Variants in GRPEL2 observed in about 807,000 individuals in gnomAD.
GRPEL2 encodes the protein GrpE like 2, mitochondrial.
A neutral mutation model predicts 25.9 loss-of-function variants in GRPEL2; 18 were observed. The observed-to-expected ratio is 0.70, with a 90% CI of 0.48 to 1.03. The LOEUF (loss-of-function observed/expected upper bound fraction) is 1.03. Among genes scored for constraint, GRPEL2 ranks in the 50% least tolerant of loss-of-function variants. The pLI is 0.00. For missense variants in GRPEL2, 247 were observed against 276.2 expected, an observed-to-expected ratio of 0.89 and a Z score of 0.75; for synonymous variants, 106 against 107.9, an observed-to-expected ratio of 0.98 and a Z score of 0.11.
chr5:149,350,982 C>T lies in GRPEL2; in HGVS notation c.378C>T (p.Cys126=). 2 of 1,614,126 alleles carry T rather than the reference C, an allele frequency of 1.2e-6. No individual in the cohort carries two copies. Among genetic ancestry groups the T allele is most frequent in the Non-Finnish European group, 1.7e-6 (2 of 1,179,950 alleles). ...ACATTTTGGAGAAGACTACAGAGTG[C>T]ATTTCTGAAGAATCGGAGCCTGAGG... is the stretch of plus-strand genomic sequence containing the variant. ...VADILEKTTE[C]ISEESEPEDQ... Residue 126 remains cysteine (C), a synonymous_variant, in exon 4 of 4, where the codon TGC becomes TGT. Transcript: ENST00000329271.
Position 149,353,580 on chromosome 5 carries a change from T to G in GRPEL2, c.*2298T>G, listed in dbSNP as rs1325567862. 6.6e-6 allele frequency: 1 copy of G among 151,742 alleles called. No individual in the cohort carries two copies. The highest frequency in any genetic ancestry group is 1.5e-5 in the Non-Finnish European group (1 of 68,024). 9.4% of individuals were successfully genotyped at this position (151,742 alleles called of 1,614,324 possible). A position where few individuals can be genotyped will look rare whatever the true frequency, so the allele number is the denominator to read the frequency against. On this transcript the variant is annotated 3_prime_UTR_variant, in exon 4 of 4. Coordinates refer to ENST00000329271, the MANE Select transcript of GRPEL2 (RefSeq NM_152407.4). ...GTTTTGTTTTTTGGTTTTTGGTTTTTGGTTTTTGGTTTTTTTTTTTTGGTT... is the reference window on the plus strand; with the variant it reads ...GTTTTGTTTTTTGGTTTTTGGTTTTGGGTTTTTGGTTTTTTTTTTTTGGTT...
chr5:149,349,593 A>C (rs1453565068), intron 2 of GRPEL2, 61 bp from the exon 3 acceptor site: 1 of 1,218,366 alleles, frequency 8.2e-7, no homozygotes, highest in African/African-American at 1.5e-5. Context: ...AAGCAAAAAC[A>C]TTCTCTTCCA....
chr5:149,351,580 T>G lies in GRPEL2; in HGVS notation c.*298T>G, dbSNP rs1231862045. 3.9e-6 allele frequency: 1 copy of G among 258,018 alleles called. No individual in the cohort carries two copies. The highest frequency in any genetic ancestry group is 8.0e-5 in the East Asian group (1 of 12,490). The allele number at this position is 258,018 out of a possible 1,614,324, so 16.0% of individuals were successfully genotyped here. The stretch of plus-strand genomic sequence containing the variant: ...ATCCAAAATCCTTTTAACTATGGGT[T>G]TTCAACTACATGTTTCTTCCTAGCG... On this transcript the variant is annotated 3_prime_UTR_variant, in exon 4 of 4. Coordinates refer to ENST00000329271, the MANE Select transcript of GRPEL2 (RefSeq NM_152407.4).
In GRPEL2 at chr5:149,348,382, G is replaced by A. The variant is rs1388025931; in HGVS notation, c.188G>A (p.Arg63Lys). 5 of 1,612,918 alleles carry A rather than the reference G, an allele frequency of 3.1e-6. No individual in the cohort carries two copies. Among genetic ancestry groups the A allele is most frequent in the Non-Finnish European group, 3.4e-6 (4 of 1,179,696 alleles). Residue 63 changes from arginine (R) to lysine (K), a missense_variant, in exon 2 of 4, where the codon AGG becomes AAG. Coordinates refer to ENST00000329271, the MANE Select transcript of GRPEL2 (RefSeq NM_152407.4). ...CCCCCTCTTGCTGAACGAGCCTTAA[G>A]GGTAAAAGCTGTTAAACTGGAGAAA... ...LGPPLAERAL[R>K]VKAVKLEKEV... is the part of the protein sequence containing the mutation.
At chr5:149,345,822 G>A (rs1012412777) in intron 1 of GRPEL2, 1 of 593,816 alleles carries the variant, frequency 1.7e-6, no homozygotes, top group East Asian at 2.8e-5. Flanking sequence ...TTAGGCCGAG[G>A]AAGGTAAGGA....
In GRPEL2 at chr5:149,354,066, A is replaced by G. The variant is rs1261532740; in HGVS notation, c.*2784A>G. On this transcript the variant is annotated 3_prime_UTR_variant, in exon 4 of 4. Transcript: ENST00000329271. Reference sequence around the variant, plus strand: ...TTTTCCTGCCTTTTTATGGCTGTCTAAAGTCTAGGGAAAAGGGAAGACTGG... The same window carrying G: ...TTTTCCTGCCTTTTTATGGCTGTCTGAAGTCTAGGGAAAAGGGAAGACTGG... 6.6e-6 allele frequency: 1 copy of G among 152,178 alleles called. No homozygotes were observed. Among genetic ancestry groups the G allele is most frequent in the Non-Finnish European group, 1.5e-5 (1 of 68,022 alleles). 9.4% of individuals were successfully genotyped at this position (152,178 alleles called of 1,614,324 possible).
intron 1 of GRPEL2, among the ~76,000 whole-genome samples, chr5:149,347,067 G>T (rs1022552799): frequency 3.9e-5 from 6 of 152,086 alleles, no homozygotes; most frequent in African/African-American, 1.4e-4. Flanking sequence ...GATAAATGTG[G>T]TTTTTTTAGG....
chr5:149,348,421 T>A lies in GRPEL2; in HGVS notation c.227T>A (p.Leu76Ter). 1.3e-6 allele frequency: 2 copies of A among 1,594,756 alleles called. No individual in the cohort carries two copies. The highest frequency in any genetic ancestry group is 1.7e-6 in the Non-Finnish European group (2 of 1,174,284). Residue 76 changes from leucine (L) to a stop codon, truncating the protein, a stop_gained, in exon 2 of 4, where the codon TTA becomes TAA. Transcript: ENST00000329271. LOFTEE classifies it high-confidence loss of function. Reference sequence around the variant, plus strand: ...AAACTGGAGAAAGAAGTCCAAGATTTAACAGTGAGTCAATTTTATATTTCT... The same window carrying A: ...AAACTGGAGAAAGAAGTCCAAGATTAAACAGTGAGTCAATTTTATATTTCT... ...AVKLEKEVQD[L>*]TVRYQRAIAD...
chr5:149,351,025 G>C lies in GRPEL2; in HGVS notation c.421G>C (p.Glu141Gln), dbSNP rs1288624325. The change falls in exon 4 of 4, where the codon GAG becomes CAG. Residue 141 changes from glutamate to glutamine, a missense_variant. Physicochemically the swap from Glu to Gln is conservative, Grantham distance 29. Transcript: ENST00000329271. ...SEPEDQKLTLEKVFRGLLLLE... is the reference protein window; with the variant it reads ...SEPEDQKLTLQKVFRGLLLLE... ...GCCTGAGGACCAAAAGCTCACTCTG[G>C]AGAAGGTCTTCCGAGGGTTGTTGCT... 6.2e-7 allele frequency: 1 copy of C among 1,614,088 alleles called. No individual in the cohort carries two copies. Among genetic ancestry groups the C allele is most frequent in the Non-Finnish European group, 8.5e-7 (1 of 1,180,040 alleles).
At chr5:149,349,088 C>T (rs1352155767) in intron 2 of GRPEL2, among the ~76,000 whole-genome samples, 1 of 151,994 alleles carries the variant, frequency 6.6e-6, no homozygotes, top group East Asian at 1.9e-4. Context: ...CTCTGCCTCC[C>T]AGGTTCAAGT....
chr5:149,352,613 G>C lies in GRPEL2; in HGVS notation c.*1331G>C, dbSNP rs1430473559. ...TATGTGGTTTTTTTTCAGTCTTATAGCTGGTGTTCTGTAAAAGATTTGTCC... is the reference window on the plus strand; with the variant it reads ...TATGTGGTTTTTTTTCAGTCTTATACCTGGTGTTCTGTAAAAGATTTGTCC... On this transcript the variant is annotated 3_prime_UTR_variant, in exon 4 of 4. Transcript: ENST00000329271. The C allele has an allele frequency of 6.6e-6, 1 of 151,774 alleles. No homozygotes were observed. The highest frequency in any genetic ancestry group is 1.5e-5 in the Non-Finnish European group (1 of 67,990). 9.4% of individuals were successfully genotyped at this position (151,774 alleles called of 1,614,324 possible).
intron 1 of GRPEL2, chr5:149,345,869 C>G (rs1757680410): frequency 1.8e-6 from 1 of 544,388 alleles, no homozygotes; most frequent in East Asian, 3.2e-5. Context: ...GGTGAGAAGT[C>G]TCTTAAGCCC....
chr5:149,346,678 A>G (rs971526723), intron 1 of GRPEL2, among the ~76,000 whole-genome samples: 1 of 143,280 alleles, frequency 7.0e-6, no homozygotes, highest in Non-Finnish European at 1.5e-5. Context: ...TTCTTGGTCT[A>G]AGCTTTGGCC....
At position 149,351,260 on chromosome 5, in the gene GRPEL2, T is replaced by A; in HGVS notation, c.656T>A (p.Val219Glu). The A allele has an allele frequency of 6.2e-7, 1 of 1,610,012 alleles. No individual in the cohort carries two copies. Among genetic ancestry groups the A allele is most frequent in the Non-Finnish European group, 8.5e-7 (1 of 1,176,750 alleles). The change falls in exon 4 of 4, where the codon GTG (valine) becomes GAG (glutamate). Residue 219 changes from valine to glutamate, a missense_variant. Around this residue, in one of 2 missense-constraint regions of GRPEL2, gnomAD observed 122 missense variants for 169.2 expected, o/e 0.72. Transcript: ENST00000329271. Reference sequence around the variant, plus strand: ...AGGCTTGCCCGAGTGGAAGTGGCAGTGGAGTCTCAGAGAAGACTGTGAAGA... The same window carrying A: ...AGGCTTGCCCGAGTGGAAGTGGCAGAGGAGTCTCAGAGAAGACTGTGAAGA... ...TIRLARVEVA[V>E]ESQRRL
intron 3 of GRPEL2, 128 bp downstream of exon 3, chr5:149,349,863 A>G (rs1757749474): frequency 2.9e-6 from 2 of 678,184 alleles, no homozygotes; most frequent in Non-Finnish European, 5.2e-6. Context: ...AGTCTGGCCA[A>G]CATGACACCT....
chr5:149,351,119 A>G lies in GRPEL2; in HGVS notation c.515A>G (p.Lys172Arg). 1.9e-6 allele frequency: 3 copies of G among 1,614,200 alleles called. No individual in the cohort carries two copies. Among genetic ancestry groups the G allele is most frequent in the Admixed American group, 1.7e-5 (1 of 60,020 alleles). The change falls in exon 4 of 4, where the codon AAA (lysine) becomes AGA (arginine). Residue 172 changes from lysine to arginine, a missense_variant. By Grantham distance (26) the Lys-to-Arg change is conservative (BLOSUM62 2). Around this residue, in one of 2 missense-constraint regions of GRPEL2, gnomAD observed 122 missense variants for 169.2 expected, o/e 0.72. Coordinates refer to ENST00000329271, the MANE Select transcript of GRPEL2 (RefSeq NM_152407.4). ...GAGAAACTGACACCCATTGGTGACAAATATGACCCCCATGAGCATGAACTC... is the reference window on the plus strand; with the variant it reads ...GAGAAACTGACACCCATTGGTGACAGATATGACCCCCATGAGCATGAACTC... ...GLEKLTPIGD[K>R]YDPHEHELIC...
In GRPEL2 at chr5:149,352,499, T is replaced by C. The variant is rs2127610425; in HGVS notation, c.*1217T>C. On this transcript the variant is annotated 3_prime_UTR_variant, in exon 4 of 4. Transcript: ENST00000329271. ...CACTACCTCTGTTATATTGACAAGC[T>C]CTATTTCCTATTCTTTGTATCTGTT... 6.6e-6 allele frequency: 1 copy of C among 152,174 alleles called. No individual in the cohort carries two copies. The highest frequency in any genetic ancestry group is 2.1e-4 in the South Asian group (1 of 4,830). 9.4% of individuals were successfully genotyped at this position (152,174 alleles called of 1,614,324 possible).
intron 2 of GRPEL2, 124 bp downstream of exon 2, chr5:149,348,549 C>A (rs1319741379): frequency 2.8e-6 from 2 of 716,406 alleles, no homozygotes; most frequent in African/African-American, 1.8e-5. Context: ...TACCCCTCAT[C>A]CCTCCTCCAC....
intron 1 of GRPEL2, among the ~76,000 whole-genome samples, chr5:149,346,364 G>C (rs1268119308): frequency 2.6e-5 from 4 of 152,168 alleles, no homozygotes; most frequent in African/African-American, 9.7e-5. Flanking sequence ...TTGAGTACGA[G>C]GTAGGGTTGG....
Sources: gnomAD v4.1 joint callset for allele counts (sites outside exome capture counted in the v4.1 genomes callset) on GRCh38, gnomAD v4.1.1 for gene constraint, gnomAD v4.1.1 regional missense constraint, MANE v1.5 for transcripts, NCBI Gene and HGNC (gene_info 2026-07-23, HGNC 2026-07-21) for gene names.